The following ASTN2 variants were observed in gnomAD, a reference collection of about 807,000 sequenced individuals.
ASTN2 encodes astrotactin-2.
Under a neutral mutation model 139.8 loss-of-function variants are expected in ASTN2, and 54 were observed. The ratio of observed to expected loss-of-function variants is 0.39; its 90% confidence interval spans 0.31 to 0.48. The LOEUF (loss-of-function observed/expected upper bound fraction) is 0.48. Ranked by LOEUF, ASTN2 falls within the 20% of genes least tolerant of loss-of-function variation. ASTN2 has a pLI of 0.95. For missense variants in ASTN2, 1,565 were observed against 1,725.1 expected (o/e 0.91, Z 1.64); for synonymous variants, 756 against 719.5 (o/e 1.05, Z -0.81).
At chr9:117,262,796 T>C (rs1588143966) in intron 2 of ASTN2, among the ~76,000 whole-genome samples, 1 of 152,140 alleles carries the variant, frequency 6.6e-6, no homozygotes, top group Non-Finnish European at 1.5e-5. Context: ...AATGTAATCA[T>C]AGGGTCCTAG....
In ASTN2 at chr9:116,725,804, C is replaced by G; in HGVS notation, c.2773G>C (p.Val925Leu). ...TCIIHFPSKK[V>L]QQQLWLQYQK... ...TACTGGAGCCACAGCTGCTGCTGGA[C>G]CTTCTTGCTGGGAAAGTGGATGATG... is the stretch of plus-strand genomic sequence containing the variant. Residue 925 changes from valine (V) to leucine (L), a missense_variant, in exon 16 of 23, where the codon GTC (valine) becomes CTC (leucine). Physicochemically the swap from Val to Leu is conservative, Grantham distance 32. Transcript: ENST00000313400. 6.2e-7 allele frequency: 1 copy of G among 1,613,822 alleles called. No individual in the cohort carries two copies. The highest frequency in any genetic ancestry group is 8.5e-7 in the Non-Finnish European group (1 of 1,179,990).
rs561183527 is a variant in ASTN2, at chr9:117,112,463, T to C, written c.1169-16312A>G. Among the ~76,000 whole-genome samples, 66 of 152,228 alleles carry C rather than the reference T, an allele frequency of 4.3e-4. 1 individual carries two copies. The South Asian group carries it at 0.011, about 26-fold the overall frequency. Reference sequence around the variant, plus strand: ...AGGAATATAAATCAGTGAAACAGAATAGAGTGTTCAGAAGTATATACAATT... The same window carrying C: ...AGGAATATAAATCAGTGAAACAGAACAGAGTGTTCAGAAGTATATACAATT... On this transcript the variant is annotated intron_variant, in intron 4 of 22. Coordinates refer to ENST00000313400, the MANE Select transcript of ASTN2 (RefSeq NM_001365068.1).
intron 1 of ASTN2, among the ~76,000 whole-genome samples, chr9:117,361,591 T>C (rs1174526432): frequency 1.3e-5 from 2 of 152,182 alleles, no homozygotes; most frequent in Non-Finnish European, 2.9e-5. Context: ...ATGAGGGCTC[T>C]GCAGAAAGCT....
At chr9:117,290,491 T>C (rs1036913848) in intron 2 of ASTN2, among the ~76,000 whole-genome samples, 1 of 152,220 alleles carries the variant, frequency 6.6e-6, no homozygotes, top group Non-Finnish European at 1.5e-5. Flanking sequence ...TTCTGTATCA[T>C]GGGGCCAACA....
At chr9:116,508,019 G>A (rs1278842358) in intron 19 of ASTN2, among the ~76,000 whole-genome samples, 1 of 152,172 alleles carries the variant, frequency 6.6e-6, no homozygotes, top group Non-Finnish European at 1.5e-5. Context: ...CTCCTGAGTA[G>A]CTGGGGTTAA....
intron 13 of ASTN2, among the ~76,000 whole-genome samples, chr9:116,767,153 T>C (rs200390263): frequency 0.012 from 1,875 of 150,538 alleles, 39 homozygotes; most frequent in African/African-American, 0.04. Flanking sequence ...ATCCTACATA[T>C]ACACACACAC....
chr9:117,351,280 G>T (rs371583398), intron 1 of ASTN2, among the ~76,000 whole-genome samples: 1 of 152,126 alleles, frequency 6.6e-6, no homozygotes, highest in African/African-American at 2.4e-5. Flanking sequence ...AAATTCAAAC[G>T]TCTAAGCATG....
intron 4 of ASTN2, among the ~76,000 whole-genome samples, chr9:117,099,879 T>C (rs1005463879): frequency 3.3e-5 from 5 of 152,196 alleles, no homozygotes; most frequent in Non-Finnish European, 7.3e-5. Context: ...AATAACTGTC[T>C]CAGAGAGGTG....
intron 10 of ASTN2, among the ~76,000 whole-genome samples, chr9:116,911,100 C>T (rs114944173): frequency 0.018 from 2,758 of 152,228 alleles, 72 homozygotes; most frequent in African/African-American, 0.06. Context: ...AACCTGATGG[C>T]CTCCAGTATA....
chr9:117,108,043 C>T (rs1829150814), intron 4 of ASTN2, among the ~76,000 whole-genome samples: 1 of 152,106 alleles, frequency 6.6e-6, no homozygotes, highest in Non-Finnish European at 1.5e-5. Flanking sequence ...AGCAACAGGA[C>T]TAAACATTTA....
intron 10 of ASTN2, among the ~76,000 whole-genome samples, chr9:116,934,754 G>A (rs1280747991): frequency 6.6e-6 from 1 of 152,126 alleles, no homozygotes; most frequent in African/African-American, 2.4e-5. Context: ...TTGTACCCTT[G>A]AACTTAATAT....
intron 2 of ASTN2, among the ~76,000 whole-genome samples, chr9:117,242,552 A>G (rs1833247869): frequency 6.6e-6 from 1 of 152,204 alleles, no homozygotes; most frequent in Admixed American, 6.5e-5. Context: ...CCCTCTGCAT[A>G]ATAAATGCCT....
chr9:117,262,397 T>TTTATTTA (rs1554713361), intron 2 of ASTN2, among the ~76,000 whole-genome samples: 43 of 123,612 alleles, frequency 3.5e-4, no homozygotes, highest in African/African-American at 7.8e-4. Context: ...CTGTTTCTTT[T>TTTATTTA]TTTATTTATT....
At chr9:117,111,141 T>G (rs2132787605) in intron 4 of ASTN2, among the ~76,000 whole-genome samples, 1 of 151,594 alleles carries the variant, frequency 6.6e-6, no homozygotes, top group African/African-American at 2.4e-5. Context: ...AACCCAAGAG[T>G]CTTCATAAAA....
intron 1 of ASTN2, among the ~76,000 whole-genome samples, chr9:117,334,611 C>T (rs568108373): frequency 6.6e-6 from 1 of 152,108 alleles, no homozygotes; most frequent in Non-Finnish European, 1.5e-5. Flanking sequence ...TGCTAAATGC[C>T]TTTTACACAC....
intron 1 of ASTN2, among the ~76,000 whole-genome samples, chr9:117,398,169 A>G (rs1830725296): frequency 6.6e-6 from 1 of 152,222 alleles, no homozygotes; most frequent in South Asian, 2.1e-4. Context: ...GGAAATCTTG[A>G]GATAGTTTCA....
At chr9:116,576,619 A>G (rs28410315) in intron 19 of ASTN2, among the ~76,000 whole-genome samples, 31,753 of 152,056 alleles carry the variant, frequency 0.21, 4,377 homozygotes, top group African/African-American at 0.38. Flanking sequence ...ACAGCACACT[A>G]GCAAGAACGG....
intron 19 of ASTN2, among the ~76,000 whole-genome samples, chr9:116,497,673 C>T (rs544993916): frequency 1.3e-5 from 2 of 152,020 alleles, no homozygotes; most frequent in Non-Finnish European, 2.9e-5. Flanking sequence ...TTGGCTGCAG[C>T]GGGTATTGCT....
chr9:116,783,120 G>A lies in ASTN2; in HGVS notation c.2396+22512C>T, dbSNP rs139430410. ...CACCCTCCACAGATGGGCATATATC[G>A]CAACTGTCAGGCTTTCTGCGTCTCT... is the stretch of plus-strand genomic sequence containing the variant. On this transcript the variant is annotated intron_variant, in intron 13 of 22. Coordinates refer to ENST00000313400, the MANE Select transcript of ASTN2 (RefSeq NM_001365068.1). Among the ~76,000 whole-genome samples the A allele has an allele frequency of 1.8e-3, 277 of 152,234 alleles. 2 individuals are homozygous for A. The highest frequency in any genetic ancestry group is 6.2e-3 in the African/African-American group (256 of 41,566).
Sources: gnomAD v4.1 joint callset for allele counts (sites outside exome capture counted in the v4.1 genomes callset) on GRCh38, gnomAD v4.1.1 for gene constraint, MANE v1.5 for transcripts, NCBI Gene and HGNC (gene_info 2026-07-23, HGNC 2026-07-21) for gene names.